PCLO: variants seen among roughly 807,000 people sequenced by gnomAD.
PCLO encodes the protein protein piccolo.
A neutral mutation model predicts 427.5 loss-of-function variants in PCLO; 82 were observed. That is an observed-to-expected ratio of 0.19 (90% CI 0.16 to 0.23). The LOEUF is 0.23. PCLO is among the 10% of genes least tolerant of loss of function. PCLO has a pLI of 1.00. For missense variants in PCLO, 6,239 were observed against 6,115.9 expected, an observed-to-expected ratio of 1.02 and a Z score of -0.67; for synonymous variants, 2,357 against 2,155.4, an observed-to-expected ratio of 1.09 and a Z score of -2.59.
intron 3 of PCLO, among the ~76,000 whole-genome samples, chr7:83,120,801 T>C (rs1410428451): frequency 6.6e-6 from 1 of 152,178 alleles, no homozygotes; most frequent in Non-Finnish European, 1.5e-5. Context: ...CTGAGGGATT[T>C]CATCCATACC....
At position 82,956,945 on chromosome 7, in the gene PCLO, G is replaced by A; in HGVS notation, c.4018-10C>T. 4 of 1,568,676 alleles carry A rather than the reference G, an allele frequency of 2.5e-6. No individual in the cohort carries two copies. The highest frequency in any genetic ancestry group is 3.5e-6 in the Non-Finnish European group (4 of 1,158,752). ...TGTCATCTTCCTTTTCCTAAGCAGGGAGATAAAGATACAGGAAAACTTAAC... is the reference window on the plus strand; with the variant it reads ...TGTCATCTTCCTTTTCCTAAGCAGGAAGATAAAGATACAGGAAAACTTAAC... On this transcript the variant is annotated splice_polypyrimidine_tract_variant and intron_variant, in intron 4 of 24. Coordinates refer to ENST00000333891, the MANE Select transcript of PCLO (RefSeq NM_033026.6).
intron 3 of PCLO, among the ~76,000 whole-genome samples, chr7:83,014,829 C>A (rs1253175130): frequency 6.6e-6 from 1 of 152,082 alleles, no homozygotes; most frequent in Non-Finnish European, 1.5e-5. Context: ...TGGATTGCCA[C>A]AGAGCTTCCC....
At position 82,955,959 on chromosome 7, in the gene PCLO, C is replaced by T. The variant is rs1404141971; in HGVS notation, c.4994G>A (p.Arg1665His). The T allele has an allele frequency of 3.1e-6, 5 of 1,613,588 alleles. No homozygotes were observed. Among genetic ancestry groups the T allele is most frequent in the Admixed American group, 3.3e-5 (2 of 60,014 alleles). The change falls in exon 5 of 25, where the codon CGC becomes CAC. Residue 1665 changes from arginine (R) to histidine (H), a missense_variant. Around this residue, in one of 5 missense-constraint regions of PCLO, gnomAD observed 4,677 missense variants for 4,468.4 expected, o/e 1.05. Transcript: ENST00000333891. The part of the protein sequence containing the change: ...ELVVTGGGGL[R>H]RFKTIELNST... ...GTTGAGCTCAATTGTTTTAAATCGG[C>T]GTAGCCCTCCTCCTCCAGTAACTAC...
intron 3 of PCLO, among the ~76,000 whole-genome samples, chr7:82,983,824 T>C (rs2115792991): frequency 6.6e-6 from 1 of 152,050 alleles, no homozygotes; most frequent in Middle Eastern, 3.4e-3. Context: ...ACATTCTGTG[T>C]GAAAGTCAGG....
At chr7:82,776,080 T>C (rs1790742595) in intron 22 of PCLO, among the ~76,000 whole-genome samples, 1 of 152,232 alleles carries the variant, frequency 6.6e-6, no homozygotes, top group African/African-American at 2.4e-5. Flanking sequence ...CTTGATTTAG[T>C]CAGTTTTTCT....
chr7:83,083,149 G>A (rs1240134137), intron 3 of PCLO, among the ~76,000 whole-genome samples: 1 of 151,748 alleles, frequency 6.6e-6, no homozygotes, highest in African/African-American at 2.4e-5. Flanking sequence ...AAAAATGTTA[G>A]AAGTAAAAAT....
chr7:82,999,266 T>C (rs1040890564), intron 3 of PCLO, among the ~76,000 whole-genome samples: 1 of 143,800 alleles, frequency 7.0e-6, no homozygotes, highest in African/African-American at 2.5e-5. Flanking sequence ...ATAATAAATA[T>C]TACATATTAA....
At position 82,956,611 on chromosome 7, in the gene PCLO, C is replaced by A; in HGVS notation, c.4342G>T (p.Asp1448Tyr). The change falls in exon 5 of 25, where the codon GAC (aspartate) becomes TAC (tyrosine). Residue 1448 changes from aspartate to tyrosine, a missense_variant. Physicochemically the swap from Asp to Tyr is radical, Grantham distance 160 (BLOSUM62 -3). Transcript: ENST00000333891. The part of the protein sequence containing the change: ...PHEVSPEQPK[D>Y]QEKTQSLSET... ...GATAAACTCTGAGTTTTCTCTTGGT[C>A]TTTAGGCTGTTCAGGAGAAACTTCA... The A allele has an allele frequency of 6.2e-7, 1 of 1,613,776 alleles. No homozygotes were observed.
chr7:83,112,471 A>C (rs1733600599), intron 3 of PCLO, among the ~76,000 whole-genome samples: 1 of 152,168 alleles, frequency 6.6e-6, no homozygotes, highest in Non-Finnish European at 1.5e-5. Flanking sequence ...ATTTTTTTAG[A>C]TATACAAAAG....
At chr7:83,058,485 A>C (rs1789457996) in intron 3 of PCLO, among the ~76,000 whole-genome samples, 1 of 152,212 alleles carries the variant, frequency 6.6e-6, no homozygotes, top group Non-Finnish European at 1.5e-5. Flanking sequence ...TAAACTATAG[A>C]CAACAGTAAA....
intron 2 of PCLO, among the ~76,000 whole-genome samples, chr7:83,138,386 C>T (rs898408775): frequency 1.2e-4 from 18 of 152,138 alleles, no homozygotes; most frequent in African/African-American, 3.6e-4. Context: ...TCATGCCGGG[C>T]GCTGTGGCTC....
Position 82,987,156 on chromosome 7 carries a change from T to C in PCLO, c.3301-20669A>G, listed in dbSNP as rs182278203. 4.3e-4 allele frequency among the ~76,000 whole-genome samples: 65 copies of C among 152,090 alleles called. 1 individual carries two copies. Among genetic ancestry groups the C allele is most frequent in the African/African-American group, 1.3e-3 (55 of 41,548 alleles). ...ATTTCCACAGATGGAAATCTGAGGA[T>C]ACCAACATTTTGGCTGGATTTTACA... On this transcript the variant is annotated intron_variant, in intron 3 of 24. Transcript: ENST00000333891.
At chr7:82,969,700 C>T (rs891228605) in intron 3 of PCLO, among the ~76,000 whole-genome samples, 3 of 151,934 alleles carry the variant, frequency 2.0e-5, no homozygotes, top group Non-Finnish European at 4.4e-5. Flanking sequence ...TGGTTTATAT[C>T]TATTGGTTGG....
intron 6 of PCLO, among the ~76,000 whole-genome samples, chr7:82,925,101 A>C (rs551819393): frequency 2.9e-4 from 44 of 152,130 alleles, no homozygotes; most frequent in Non-Finnish European, 5.3e-4. Flanking sequence ...CTTGGTAAGA[A>C]GAGTAATACT....
At chr7:83,035,766 T>C (rs1487117198) in intron 3 of PCLO, among the ~76,000 whole-genome samples, 1 of 152,194 alleles carries the variant, frequency 6.6e-6, no homozygotes, top group Non-Finnish European at 1.5e-5. Flanking sequence ...ATTTTTATAA[T>C]ATAAAAAGTA....
In PCLO at chr7:82,951,307, G is replaced by C; in HGVS notation, c.9281C>G (p.Ala3094Gly). The change falls in exon 6 of 25, where the codon GCA becomes GGA. Residue 3094 changes from alanine (A) to glycine (G), a missense_variant. By Grantham distance (60) the Ala-to-Gly change is moderately conservative (BLOSUM62 0). Transcript: ENST00000333891. Reference protein sequence around the residue: ...SSNGVVYSSVATPTPSTFAIT... With the variant: ...SSNGVVYSSVGTPTPSTFAIT... ...AGCAAATGTAGAGGGTGTTGGAGTT[G>C]CTACTGAAGAATAGACAACACCATT... is the stretch of plus-strand genomic sequence containing the variant. 6.2e-7 allele frequency: 1 copy of C among 1,612,690 alleles called. No homozygotes were observed. Among genetic ancestry groups the C allele is most frequent in the Non-Finnish European group, 8.5e-7 (1 of 1,179,318 alleles).
At chr7:82,766,876 A>AT (rs1240050245) in intron 22 of PCLO, among the ~76,000 whole-genome samples, 1 of 152,098 alleles carries the variant, frequency 6.6e-6, no homozygotes, top group African/African-American at 2.4e-5. Context: ...AATTTTTTTT[A>AT]TAAGTTTCTC....
chr7:82,792,738 C>A (rs552377686), intron 22 of PCLO, among the ~76,000 whole-genome samples: 2 of 152,196 alleles, frequency 1.3e-5, no homozygotes, highest in Middle Eastern at 3.4e-3. Flanking sequence ...AAACCCACTG[C>A]CAATTATTTT....
intron 22 of PCLO, among the ~76,000 whole-genome samples, chr7:82,800,346 G>A (rs1414287430): frequency 1.3e-5 from 2 of 152,200 alleles, no homozygotes; most frequent in African/African-American, 4.8e-5. Flanking sequence ...GTGCTCTTGT[G>A]ATAACACACC....
Sources: allele counts gnomAD v4.1 joint callset (sites outside exome capture counted in the v4.1 genomes callset), GRCh38; gene constraint gnomAD v4.1.1; regional missense constraint gnomAD v4.1.1; transcripts MANE v1.5; gene names NCBI Gene and HGNC (gene_info 2026-07-23, HGNC 2026-07-21).